Variants in OSTF1 observed in about 807,000 individuals in gnomAD.
OSTF1 encodes osteoclast stimulating factor 1, also known as osteoclast-stimulating factor 1.
OSTF1 carries 27 observed loss-of-function variants against 37.2 expected under a neutral mutation model. The observed-to-expected ratio is 0.73, with a 90% CI of 0.54 to 1.00. The LOEUF (loss-of-function observed/expected upper bound fraction) is 1.00. Ranked by LOEUF, OSTF1 falls within the 50% of genes least tolerant of loss-of-function variation. The pLI, the probability that OSTF1 is intolerant of heterozygous loss-of-function variation, is 0.00. For missense variants in OSTF1, 232 were observed against 253.8 expected, an observed-to-expected ratio of 0.91 and a Z score of 0.58; for synonymous variants, 82 against 89.2, an observed-to-expected ratio of 0.92 and a Z score of 0.46.
intron 3 of OSTF1, among the ~76,000 whole-genome samples, chr9:75,128,606 A>T (rs544126821): frequency 0.018 from 1,789 of 99,712 alleles, 97 homozygotes; most frequent in Non-Finnish European, 0.029. Context: ...ATATATATAT[A>T]TTTTGTCCAT....
At chr9:75,139,313 C>A (rs560166167) in intron 8 of OSTF1, among the ~76,000 whole-genome samples, 6 of 151,984 alleles carry the variant, frequency 3.9e-5, no homozygotes, top group African/African-American at 1.5e-4. Flanking sequence ...GGATTACAGG[C>A]GGATGAGCTA....
intron 1 of OSTF1, among the ~76,000 whole-genome samples, chr9:75,099,062 G>A (rs891773285): frequency 3.3e-5 from 5 of 152,076 alleles, no homozygotes; most frequent in East Asian, 1.9e-4. Flanking sequence ...TCAGCCTCCC[G>A]AGTAGCTGGG....
At chr9:75,142,718 T>C (rs752271814) in intron 9 of OSTF1, among the ~76,000 whole-genome samples, 5 of 152,190 alleles carry the variant, frequency 3.3e-5, no homozygotes, top group Non-Finnish European at 7.4e-5. Context: ...AATAGATTCA[T>C]TAATGAGGTA....
intron 1 of OSTF1, among the ~76,000 whole-genome samples, chr9:75,110,349 A>G (rs1825364747): frequency 6.6e-6 from 1 of 152,212 alleles, no homozygotes; most frequent in Non-Finnish European, 1.5e-5. Context: ...CATGTAGTAC[A>G]TAGCCTTTTC....
intron 1 of OSTF1, among the ~76,000 whole-genome samples, chr9:75,098,701 T>G (rs964977198): frequency 6.6e-6 from 1 of 152,188 alleles, no homozygotes; most frequent in Non-Finnish European, 1.5e-5. Context: ...CAGGATCCTC[T>G]TGTCTCCTCT....
chr9:75,101,129 C>T (rs1825184999), intron 1 of OSTF1, among the ~76,000 whole-genome samples: 1 of 152,088 alleles, frequency 6.6e-6, no homozygotes. Context: ...TGCTTAGCCC[C>T]TCCTTCCCGT....
chr9:75,127,313 C>A (rs565879282), intron 2 of OSTF1, among the ~76,000 whole-genome samples: 2 of 152,160 alleles, frequency 1.3e-5, no homozygotes. Flanking sequence ...AAATGTCTTG[C>A]TTTGGTTGTA....
chr9:75,088,799 C>CA, intron 1 of OSTF1, 73 bp downstream of exon 1: 2 of 1,441,156 alleles, frequency 1.4e-6, no homozygotes, highest in Non-Finnish European at 1.9e-6. Context: ...TGCAGCTTGG[C>CA]AGGGAGGACC....
At chr9:75,141,153 T>C (rs1331419723) in intron 9 of OSTF1, among the ~76,000 whole-genome samples, 1 of 151,704 alleles carries the variant, frequency 6.6e-6, no homozygotes, top group Non-Finnish European at 1.5e-5. Flanking sequence ...TACCAAAAAT[T>C]AGTCAGACAT....
chr9:75,129,471 T>C (rs925853187), intron 3 of OSTF1, among the ~76,000 whole-genome samples: 4 of 152,134 alleles, frequency 2.6e-5, no homozygotes, highest in Non-Finnish European at 5.9e-5. Context: ...ATCTAGACAA[T>C]GATCATCAAG....
chr9:75,130,190 G>T (rs1259946052), intron 3 of OSTF1, among the ~76,000 whole-genome samples: 1 of 151,966 alleles, frequency 6.6e-6, no homozygotes, highest in Non-Finnish European at 1.5e-5. Context: ...CCAAAATGAA[G>T]ATAATATAAA....
intron 2 of OSTF1, among the ~76,000 whole-genome samples, chr9:75,119,151 C>A (rs1462453303): frequency 6.6e-6 from 1 of 152,224 alleles, no homozygotes; most frequent in East Asian, 1.9e-4. Context: ...TTACTTACTG[C>A]GTGAATTTTC....
At chr9:75,141,312 CAAAAAAAAAAAAAAA>C (rs529293090) in intron 9 of OSTF1, among the ~76,000 whole-genome samples, 1 of 71,680 alleles carries the variant, frequency 1.4e-5, no homozygotes, top group Non-Finnish European at 2.5e-5. Flanking sequence ...AAAAGAAAAC[CAAAAAAAAAAAAAAA>C]AAAAAAAAAA....
chr9:75,123,160 G>A (rs1050719387), intron 2 of OSTF1, among the ~76,000 whole-genome samples: 6 of 152,208 alleles, frequency 3.9e-5, no homozygotes, highest in African/African-American at 9.6e-5. Flanking sequence ...AGTGGCTCAC[G>A]CCTGTAATCC....
rs1263640615 is a variant in OSTF1, at chr9:75,112,525, A to G, written c.35-4979A>G. ...AGCAATAAATAAGGTTGTGTATGTA[A>G]AAGTGTTTTCTACAACAGATAGAAT... On this transcript the variant is annotated intron_variant, in intron 1 of 9. Coordinates refer to ENST00000346234, the MANE Select transcript of OSTF1 (RefSeq NM_012383.5). Among the ~76,000 whole-genome samples the G allele has an allele frequency of 4.6e-5, 7 of 152,338 alleles. No individual in the cohort carries two copies. In the East Asian group the frequency reaches 1.4e-3, roughly 29 times the overall value.
intron 3 of OSTF1, among the ~76,000 whole-genome samples, chr9:75,128,485 TATATATATATTTTGTCC>T (rs1825704749): frequency 1.8e-5 from 1 of 54,910 alleles, no homozygotes; most frequent in African/African-American, 8.2e-5. Context: ...TCCATATATA[TATATATATATTTTGTCC>T]ATATATATAT....
At chr9:75,142,346 T>C (rs940771193) in intron 9 of OSTF1, among the ~76,000 whole-genome samples, 1 of 152,054 alleles carries the variant, frequency 6.6e-6, no homozygotes, top group African/African-American at 2.4e-5. Flanking sequence ...CTCCTACTCC[T>C]TGCTGCCTTG....
At chr9:75,106,295 C>T (rs1054312189) in intron 1 of OSTF1, among the ~76,000 whole-genome samples, 2 of 152,214 alleles carry the variant, frequency 1.3e-5, no homozygotes, top group African/African-American at 4.8e-5. Flanking sequence ...CATTGTTATA[C>T]TCACAGTATG....
chr9:75,112,062 A>G (rs1158781721), intron 1 of OSTF1, among the ~76,000 whole-genome samples: 1 of 149,504 alleles, frequency 6.7e-6, no homozygotes, highest in East Asian at 2.0e-4. Context: ...TGACCTTGTG[A>G]TCTGCCCACC....
Sources: gnomAD v4.1 joint callset for allele counts (sites outside exome capture counted in the v4.1 genomes callset) on GRCh38, gnomAD v4.1.1 for gene constraint, MANE v1.5 for transcripts, NCBI Gene and HGNC (gene_info 2026-07-23, HGNC 2026-07-21) for gene names.